The following TRIP12 variants were observed in gnomAD, a reference collection of about 807,000 sequenced individuals.
The protein encoded by TRIP12 is thyroid hormone receptor interactor 12, also known as E3 ubiquitin-protein ligase TRIP12.
Under a neutral mutation model 244.2 loss-of-function variants are expected in TRIP12, and 25 were observed. The ratio of observed to expected loss-of-function variants is 0.10; its 90% CI spans 0.07 to 0.14. The LOEUF (loss-of-function observed/expected upper bound fraction) is 0.14, where lower values mean the gene tolerates loss of function less well. Ranked by LOEUF, TRIP12 falls within the 10% of genes least tolerant of loss-of-function variation. TRIP12 has a pLI of 1.00. For missense variants in TRIP12, 1,677 were observed against 2,486.4 expected, an observed-to-expected ratio of 0.67 and a Z score of 6.92; for synonymous variants, 905 against 873.1, an observed-to-expected ratio of 1.04 and a Z score of -0.64.
At position 229,814,320 on chromosome 2, in the gene TRIP12, T is replaced by C; in HGVS notation, c.1737A>G (p.Gln579=). The change falls in exon 12 of 42, where the codon CAA becomes CAG. Residue 579 remains glutamine (Q), a synonymous_variant. Transcript: ENST00000675903. ...CTGCCACATCAATACACTGAATAAC[T>C]TGCAGCTGGGAACATATATATAGTT... ...DAIPVFLEKL[Q]VIQCIDVAEQ... 1 of 1,613,998 alleles carries C rather than the reference T, an allele frequency of 6.2e-7. No individual in the cohort carries two copies. Among genetic ancestry groups the C allele is most frequent in the Non-Finnish European group, 8.5e-7 (1 of 1,179,892 alleles).
rs994077883 is a variant in TRIP12 at position 229,766,658 on chromosome 2, AT to A, written c.*895del. 1 of 152,210 alleles carries A rather than the reference AT, an allele frequency of 6.6e-6. No individual in the cohort carries two copies. Among genetic ancestry groups the A allele is most frequent in the African/African-American group, 2.4e-5 (1 of 41,470 alleles). 9.4% of individuals were successfully genotyped at this position (152,210 alleles called of 1,614,324 possible). A position where few individuals can be genotyped will look rare whatever the true frequency, so the allele number is the denominator to read the frequency against. The stretch of plus-strand genomic sequence containing the variant: ...GAAAACTGCTTATTTTGTTTAAAAA[AT>A]TTACATTAATTTAAAATCCTCTGGC... On this transcript the variant is annotated 3_prime_UTR_variant, in exon 42 of 42. Transcript: ENST00000675903.
intron 4 of TRIP12, among the ~76,000 whole-genome samples, 198 bp from the exon 5 acceptor site, chr2:229,841,125 G>A (rs1395500753): frequency 6.6e-6 from 1 of 152,036 alleles, no homozygotes; most frequent in Non-Finnish European, 1.5e-5. Flanking sequence ...GTTCAGGATC[G>A]GTCTTCTCAC....
chr2:229,769,174 C>T, intron 40 of TRIP12, 57 bp downstream of exon 40: 4 of 1,498,030 alleles, frequency 2.7e-6, no homozygotes, highest in Non-Finnish European at 2.8e-6. Flanking sequence ...TGTACACACA[C>T]ACCCCTCTCC....
chr2:229,915,590 A>G (rs1176698127), intron 1 of TRIP12, among the ~76,000 whole-genome samples: 1 of 150,314 alleles, frequency 6.7e-6, no homozygotes, highest in African/African-American at 2.5e-5. Flanking sequence ...AGAGATAAAA[A>G]GGGACACTAC....
At chr2:229,881,575 CT>C in intron 1 of TRIP12, among the ~76,000 whole-genome samples, 1 of 152,214 alleles carries the variant, frequency 6.6e-6, no homozygotes, top group Admixed American at 6.5e-5. Flanking sequence ...TAGAAAAAGA[CT>C]GTTTCTATCA....
intron 1 of TRIP12, among the ~76,000 whole-genome samples, chr2:229,905,717 C>A (rs572019822): frequency 6.6e-6 from 1 of 152,240 alleles, no homozygotes; most frequent in Admixed American, 6.5e-5. Flanking sequence ...AGTAGTTTTG[C>A]AACTCAATGC....
intron 1 of TRIP12, among the ~76,000 whole-genome samples, chr2:229,921,053 T>A (rs2076439237): frequency 8.4e-6 from 1 of 118,884 alleles, no homozygotes; most frequent in South Asian, 2.8e-4. Flanking sequence ...TAAACCCACC[T>A]ACCACCAATT....
At chr2:229,881,318 C>T (rs944552566) in intron 1 of TRIP12, among the ~76,000 whole-genome samples, 2 of 152,192 alleles carry the variant, frequency 1.3e-5, no homozygotes, top group African/African-American at 4.8e-5. Context: ...CATAGAATTA[C>T]GACATGCACA....
At chr2:229,914,341 T>C (rs1345545428) in intron 1 of TRIP12, among the ~76,000 whole-genome samples, 2 of 152,196 alleles carry the variant, frequency 1.3e-5, no homozygotes, top group Non-Finnish European at 1.5e-5. Context: ...TTCAATCTGA[T>C]TGCAGCCAAG....
chr2:229,792,675 T>C (rs2041848925), intron 27 of TRIP12, among the ~76,000 whole-genome samples: 1 of 152,166 alleles, frequency 6.6e-6, no homozygotes, highest in African/African-American at 2.4e-5. Context: ...TCAACCTGTA[T>C]ATATTACACT....
intron 26 of TRIP12, 91 bp downstream of exon 26, chr2:229,795,088 C>T (rs773968836): frequency 6.8e-7 from 1 of 1,461,066 alleles, no homozygotes; most frequent in Non-Finnish European, 9.2e-7. Context: ...CTGGGCCAAT[C>T]AAGACTTTAC....
intron 1 of TRIP12, among the ~76,000 whole-genome samples, chr2:229,919,777 A>G (rs2076155017): frequency 6.6e-6 from 1 of 152,230 alleles, no homozygotes; most frequent in Non-Finnish European, 1.5e-5. Flanking sequence ...ATATTGGCAC[A>G]TTCATAGAAA....
In TRIP12 at chr2:229,818,469, A is replaced by G. The variant is rs2049050926; in HGVS notation, c.1494T>C (p.Asp498=). The change falls in exon 9 of 42, where the codon GAT becomes GAC. Residue 498 remains aspartate, a synonymous_variant. Coordinates refer to ENST00000675903, the MANE Select transcript of TRIP12 (RefSeq NM_001348323.3). The part of the protein sequence containing the change: ...QQLLQGLQAS[D]ESQQLQAVIE... ...TAACTGCCTGAAGCTGTTGACTTTC[A>G]TCACTGGCTTGCAATCCTTGTAGTA... 1 of 1,614,028 alleles carries G rather than the reference A, an allele frequency of 6.2e-7. No individual in the cohort carries two copies. The highest frequency in any genetic ancestry group is 8.5e-7 in the Non-Finnish European group (1 of 1,180,004).
At chr2:229,828,703 G>A (rs770050974) in intron 8 of TRIP12, among the ~76,000 whole-genome samples, 2 of 152,074 alleles carry the variant, frequency 1.3e-5, no homozygotes, top group Non-Finnish European at 2.9e-5. Flanking sequence ...AGAGGCAGAG[G>A]TTGCAGTAAG....
intron 1 of TRIP12, among the ~76,000 whole-genome samples, chr2:229,884,236 CTTTTTTTTTTTT>C (rs200052292): frequency 7.3e-5 from 9 of 123,604 alleles, no homozygotes; most frequent in African/African-American, 2.4e-4. Context: ...TTTTTCTTTT[CTTTTTTTTTTTT>C]TTTTTTGAGA....
intron 1 of TRIP12, among the ~76,000 whole-genome samples, chr2:229,912,507 C>T (rs950750333): frequency 6.6e-6 from 1 of 152,124 alleles, no homozygotes; most frequent in African/African-American, 2.4e-5. Context: ...AGCCCATTTA[C>T]CTTAATATTA....
intron 40 of TRIP12, 108 bp downstream of exon 40, chr2:229,769,123 A>C: frequency 1.1e-6 from 1 of 892,560 alleles, no homozygotes. Context: ...TTTAAAATGA[A>C]CCACTCCAAC....
At chr2:229,889,449 A>AGAG (rs1449807079) in intron 1 of TRIP12, among the ~76,000 whole-genome samples, 1 of 152,222 alleles carries the variant, frequency 6.6e-6, no homozygotes, top group Non-Finnish European at 1.5e-5. Flanking sequence ...TTCATGTAAC[A>AGAG]GAGGATATTC....
At chr2:229,878,486 CAA>C (rs907958092) in intron 2 of TRIP12, among the ~76,000 whole-genome samples, 3 of 151,660 alleles carry the variant, frequency 2.0e-5, no homozygotes, top group African/African-American at 7.3e-5. Context: ...AAATCACACG[CAA>C]AGCTGCCCTA....
Sources: gnomAD v4.1 joint callset for allele counts (sites outside exome capture counted in the v4.1 genomes callset) on GRCh38, gnomAD v4.1.1 for gene constraint, MANE v1.5 for transcripts, NCBI Gene and HGNC (gene_info 2026-07-23, HGNC 2026-07-21) for gene names.